Variants in MELTF observed in about 807,000 individuals in gnomAD.
The protein encoded by MELTF is melanotransferrin.
In MELTF, 67 loss-of-function variants were observed where a neutral mutation model predicts 83.7. The observed-to-expected ratio is 0.80, with a 90% CI of 0.66 to 0.98. The LOEUF (loss-of-function observed/expected upper bound fraction) is 0.98, where lower values mean the gene tolerates loss of function less well. MELTF is among the 50% of genes least tolerant of loss of function. The probability of loss-of-function intolerance (pLI) is 0.00; values close to 1 mark genes in which losing one functional copy is unlikely to be tolerated. For missense variants in MELTF, 1,002 were observed against 1,035.6 expected, an observed-to-expected ratio of 0.97 and a Z score of 0.44; for synonymous variants, 462 against 447.6, an observed-to-expected ratio of 1.03 and a Z score of -0.41.
At position 197,024,337 on chromosome 3, in the gene MELTF, G is replaced by A; in HGVS notation, c.453C>T (p.Gly151=). The A allele has an allele frequency of 6.3e-7, 1 of 1,589,734 alleles. No homozygotes were observed. The highest frequency in any genetic ancestry group is 8.6e-7 in the Non-Finnish European group (1 of 1,164,330). ...NVPVGYLVES[G]RLSVMGCDVL... ...CATCGCAGCCCATCACCGAGAGGCG[G>A]CCGCTCTCCACCAGGTAGCCCACGG... Residue 151 remains glycine, a synonymous_variant, in exon 4 of 16, where the codon GGC becomes GGT. Transcript: ENST00000296350. The surrounding 1 kb of genome is among the most constrained non-coding windows in gnomAD (Gnocchi z 5.3).
At chr3:197,019,758 T>G (rs1056664) in intron 6 of MELTF, 1 of 1,602,194 alleles carries the variant, frequency 6.2e-7, no homozygotes, top group South Asian at 1.1e-5. Context: ...ACTCGCCTTC[T>G]TCCTCCTCAG....
chr3:197,006,221 C>CAA lies in MELTF; in HGVS notation c.1938+326_1938+327dup, dbSNP rs1405683979. ...GGGGCGACAGAGTAAGACTCCGTCTCAAAAAAAAAAGAAAAAAAGGGAGCA... is the reference window on the plus strand; with the variant it reads ...GGGGCGACAGAGTAAGACTCCGTCTCAAAAAAAAAAAAGAAAAAAAGGGAGCA... On this transcript the variant is annotated intron_variant, in intron 14 of 15. Coordinates refer to ENST00000296350, the MANE Select transcript of MELTF (RefSeq NM_005929.6). The surrounding 1 kb of genome is among the most constrained non-coding windows in gnomAD (Gnocchi z 5.4). Among the ~76,000 whole-genome samples, 1 of 136,338 alleles carries CAA rather than the reference C, an allele frequency of 7.3e-6. No homozygotes were observed. Among genetic ancestry groups the CAA allele is most frequent in the Admixed American group, 7.4e-5 (1 of 13,552 alleles). The allele number at this position is 136,338 out of a possible 152,430, so 89.4% of individuals were successfully genotyped here.
chr3:197,004,121 G>A (rs1446541174), intron 14 of MELTF, 22 bp from the exon 15 acceptor site: 1 of 1,612,184 alleles, frequency 6.2e-7, no homozygotes, highest in African/African-American at 1.3e-5. Context: ...GCAGGCAGAC[G>A]ACCTGCTCCT....
Position 197,003,448 on chromosome 3 carries a change from G to T in MELTF, c.2141C>A (p.Ala714Asp). Residue 714 changes from alanine (A) to aspartate (D), a missense_variant, in exon 16 of 16, where the codon GCC becomes GAC. Transcript: ENST00000296350. This position sits in a 1 kb window ranked among gnomAD's most constrained non-coding sequence, Gnocchi z 6.2. ...GAGCAGGGGCGCCCCGGGCGCCGGG[G>T]CCGCTGGGGACGAACGCGGCGGGTC... The part of the protein sequence containing the change: ...MSSQQCSGAA[A>D]PAPGAPLLPL... The T allele has an allele frequency of 1.8e-6, 2 of 1,111,668 alleles. No individual in the cohort carries two copies. The highest frequency in any genetic ancestry group is 2.2e-6 in the Non-Finnish European group (2 of 912,542). 68.9% of individuals were successfully genotyped at this position (1,111,668 alleles called of 1,614,324 possible).
Position 197,003,969 on chromosome 3 carries a change from C to T in MELTF, c.2069G>A (p.Arg690His), listed in dbSNP as rs1480374351. 3 of 1,614,022 alleles carry T rather than the reference C, an allele frequency of 1.9e-6. No individual in the cohort carries two copies. The highest frequency in any genetic ancestry group is 2.7e-5 in the African/African-American group (2 of 74,932). ...AVPVGEKTTY[R>H]GWLGLDYVAA... ...CACGTAGTCCAGCCCCAGCCAGCCG[C>T]GGTAGGTGGTTTTCTCTCCGACAGG... is the stretch of plus-strand genomic sequence containing the variant. Residue 690 changes from arginine (R) to histidine (H), a missense_variant, in exon 15 of 16, where the codon CGC (arginine) becomes CAC (histidine). Physicochemically the swap from Arg to His is conservative, Grantham distance 29. Coordinates refer to ENST00000296350, the MANE Select transcript of MELTF (RefSeq NM_005929.6). This position sits in a 1 kb window ranked among gnomAD's most constrained non-coding sequence, Gnocchi z 6.2.
Position 197,008,997 on chromosome 3 carries a change from C to A in MELTF, c.1526-32G>T, listed in dbSNP as rs780153952. On this transcript the variant is annotated intron_variant, in intron 11 of 15. Coordinates refer to ENST00000296350, the MANE Select transcript of MELTF (RefSeq NM_005929.6). This position sits in a 1 kb window ranked among gnomAD's most constrained non-coding sequence, Gnocchi z 5.4. ...TGGAGGGAAGGGCAATGATGAGGGG[C>A]CAGCAGTGGAAAGTGTGGGAGGGAG... The A allele has an allele frequency of 6.2e-7, 1 of 1,611,728 alleles. No individual in the cohort carries two copies. The highest frequency in any genetic ancestry group is 8.5e-7 in the Non-Finnish European group (1 of 1,178,754).
chr3:197,010,620 C>A (rs1560213154), intron 10 of MELTF, 78 bp downstream of exon 10: 1 of 1,263,260 alleles, frequency 7.9e-7, no homozygotes. Context: ...TTGAAAATGG[C>A]TGAGGGGGGC....
At chr3:197,021,922 T>C (rs916501585) in intron 5 of MELTF, among the ~76,000 whole-genome samples, 2 of 152,180 alleles carry the variant, frequency 1.3e-5, no homozygotes, top group African/African-American at 4.8e-5. Context: ...GGCGCAATCA[T>C]AGCTCATGGC....
rs769039579 is a variant in MELTF at position 197,021,486 on chromosome 3, C to G, written c.645-15G>C. The G allele has an allele frequency of 6.2e-7, 1 of 1,612,974 alleles. No homozygotes were observed. Among genetic ancestry groups the G allele is most frequent in the Non-Finnish European group, 8.5e-7 (1 of 1,179,808 alleles). ...CCGCCAGGCACCTGCGGAGGAGAAG[C>G]TGTGGGTCTGGATGGGCTGAGCCCC... On this transcript the variant is annotated splice_polypyrimidine_tract_variant and intron_variant, in intron 5 of 15. Transcript: ENST00000296350.
rs1398160218 is a variant in MELTF at position 197,029,017 on chromosome 3, C to T, written c.49+637G>A. 6.6e-6 allele frequency: 1 copy of T among 152,366 alleles called. No homozygotes were observed. The highest frequency in any genetic ancestry group is 1.9e-4 in the East Asian group (1 of 5,178). 9.4% of individuals were successfully genotyped at this position (152,366 alleles called of 1,614,324 possible). On this transcript the variant is annotated intron_variant, in intron 1 of 15. Coordinates refer to ENST00000296350, the MANE Select transcript of MELTF (RefSeq NM_005929.6). The surrounding 1 kb of genome is among the most constrained non-coding windows in gnomAD (Gnocchi z 6.5). ...GACGGGGCGGGGGTGGCGGTGGCTT[C>T]ATCGTTTGCATTGATGAGTGCGTCG... is the stretch of plus-strand genomic sequence containing the variant.
intron 3 of MELTF, chr3:197,026,253 C>A (rs773359647): frequency 1.5e-4 from 29 of 192,668 alleles, no homozygotes; most frequent in Non-Finnish European, 2.8e-4. Flanking sequence ...TGTGCCGCTG[C>A]CAGACAGCAC....
Position 197,027,887 on chromosome 3 carries a change from AC to A in MELTF, c.72del (p.Trp25GlyfsTer15). 1 of 1,601,162 alleles carries A rather than the reference AC, an allele frequency of 6.2e-7. No individual in the cohort carries two copies. Among genetic ancestry groups the A allele is most frequent in the Non-Finnish European group, 8.5e-7 (1 of 1,175,316 alleles). On this transcript the variant is annotated frameshift_variant, in exon 2 of 16. Transcript: ENST00000296350. LOFTEE classifies it high-confidence loss of function. The stretch of plus-strand genomic sequence containing the variant: ...TGCTCTGGGTCCGAGGTGGCGCACC[AC>A]CGCACCTCCATGCCACCGAGCACTG... ...LRTVLGGMEV[R>X]WCATSDPEQH...
In MELTF at chr3:197,024,557, G is replaced by T; in HGVS notation, c.305-72C>A. ...GAGAGGCTGCACCAGCACCCTGCCT[G>T]GGCGGGCTGTGGGAGAGGTGTGTGC... On this transcript the variant is annotated intron_variant, in intron 3 of 15. Transcript: ENST00000296350. This position sits in a 1 kb window ranked among gnomAD's most constrained non-coding sequence, Gnocchi z 5.3. The T allele has an allele frequency of 7.1e-7, 1 of 1,409,794 alleles. No individual in the cohort carries two copies. The allele number at this position is 1,409,794 out of a possible 1,614,324, so 87.3% of individuals were successfully genotyped here. A position where few individuals can be genotyped will look rare whatever the true frequency, so the allele number is the denominator to read the frequency against.
intron 9 of MELTF, among the ~76,000 whole-genome samples, chr3:197,013,001 T>G (rs1303924605): frequency 6.6e-6 from 1 of 152,276 alleles, no homozygotes; most frequent in Non-Finnish European, 1.5e-5. Context: ...AAATGTATTC[T>G]GAGTGCTCGG....
At position 197,011,742 on chromosome 3, in the gene MELTF, TG is replaced by T. The variant is rs1719195114; in HGVS notation, c.1234-949del. Among the ~76,000 whole-genome samples, 1 of 152,128 alleles carries T rather than the reference TG, an allele frequency of 6.6e-6. No homozygotes were observed. Among genetic ancestry groups the T allele is most frequent in the African/African-American group, 2.4e-5 (1 of 41,440 alleles). On this transcript the variant is annotated intron_variant, in intron 9 of 15. Transcript: ENST00000296350. The surrounding 1 kb of genome is among the most constrained non-coding windows in gnomAD (Gnocchi z 4.2). ...GCTGATGGTCCCTTCCCTGGGTAAC[TG>T]GCAGGGCAGGAATGGGTGTTACAGC...
At chr3:197,020,392 GC>G (rs1719571248) in intron 6 of MELTF, among the ~76,000 whole-genome samples, 1 of 152,096 alleles carries the variant, frequency 6.6e-6, no homozygotes, top group Admixed American at 6.6e-5. Context: ...GATTACTGTG[GC>G]TAGGTACACA....
chr3:197,003,420 C>T lies in MELTF; in HGVS notation c.2169G>A (p.Pro723=). The T allele has an allele frequency of 9.3e-7, 1 of 1,072,602 alleles. No individual in the cohort carries two copies. Among genetic ancestry groups the T allele is most frequent in the South Asian group, 4.5e-5 (1 of 22,258 alleles). The allele number at this position is 1,072,602 out of a possible 1,614,324, so 66.4% of individuals were successfully genotyped here. ...GGGCGGCGAGGGCGGGCAGCAGCAGCGGGAGCAGGGGCGCCCCGGGCGCCG... is the reference window on the plus strand; with the variant it reads ...GGGCGGCGAGGGCGGGCAGCAGCAGTGGGAGCAGGGGCGCCCCGGGCGCCG... ...AAPAPGAPLL[P]LLLPALAARL... The change falls in exon 16 of 16, where the codon CCG becomes CCA. Residue 723 remains proline, a synonymous_variant. Coordinates refer to ENST00000296350, the MANE Select transcript of MELTF (RefSeq NM_005929.6). The surrounding 1 kb of genome is among the most constrained non-coding windows in gnomAD (Gnocchi z 6.2).
In MELTF at chr3:197,008,731, C is replaced by G; in HGVS notation, c.1683-7G>C. 6.2e-7 allele frequency: 1 copy of G among 1,614,096 alleles called. No individual in the cohort carries two copies. Among genetic ancestry groups the G allele is most frequent in the Non-Finnish European group, 8.5e-7 (1 of 1,179,972 alleles). ...CGCATTCTCCACCAGGCACCTGCCA[C>G]ACAGAGGGCAGGGCAGGCGTCGGCA... On this transcript the variant is annotated splice_polypyrimidine_tract_variant and splice_region_variant and intron_variant, in intron 12 of 15. Coordinates refer to ENST00000296350, the MANE Select transcript of MELTF (RefSeq NM_005929.6). The surrounding 1 kb of genome is among the most constrained non-coding windows in gnomAD (Gnocchi z 5.4).
rs375143966 is a variant in MELTF, at chr3:197,003,993, G to A, written c.2045C>T (p.Pro682Leu). ...GCGGTAGGTGGTTTTCTCTCCGACA[G>A]GCACCGCCCGGACGGTGGCATCCTT... is the stretch of plus-strand genomic sequence containing the variant. Reference protein sequence around the residue: ...LFKDATVRAVPVGEKTTYRGW... With the variant: ...LFKDATVRAVLVGEKTTYRGW... The change falls in exon 15 of 16, where the codon CCT (proline) becomes CTT (leucine). Residue 682 changes from proline to leucine, a missense_variant. Coordinates refer to ENST00000296350, the MANE Select transcript of MELTF (RefSeq NM_005929.6). The surrounding 1 kb of genome is among the most constrained non-coding windows in gnomAD (Gnocchi z 6.2). 4.3e-6 allele frequency: 7 copies of A among 1,614,114 alleles called. No individual in the cohort carries two copies. The highest frequency in any genetic ancestry group is 5.9e-6 in the Non-Finnish European group (7 of 1,180,042).
Sources: gnomAD v4.1 joint callset for allele counts (sites outside exome capture counted in the v4.1 genomes callset) on GRCh38, gnomAD v4.1.1 for gene constraint, Gnocchi (gnomAD v3.1) non-coding constraint, MANE v1.5 for transcripts, NCBI Gene and HGNC (gene_info 2026-07-23, HGNC 2026-07-21) for gene names.